CSMD2: variants seen among roughly 807,000 people sequenced by gnomAD.
CSMD2 encodes the protein CUB and sushi domain-containing protein 2.
In CSMD2, 130 loss-of-function variants were observed where a neutral mutation model predicts 398.5. The observed-to-expected ratio is 0.33, with a 90% confidence interval of 0.28 to 0.38. CSMD2 has a LOEUF of 0.38. Ranked by LOEUF, CSMD2 falls within the 10% of genes least tolerant of loss-of-function variation. The pLI is 1.00. For missense variants in CSMD2, 3,829 were observed against 4,764.9 expected (o/e 0.80, Z 5.78); for synonymous variants, 1,828 against 1,908.5 (o/e 0.96, Z 1.10).
At chr1:33,685,065 T>C (rs1645023288) in intron 25 of CSMD2, among the ~76,000 whole-genome samples, 1 of 152,236 alleles carries the variant, frequency 6.6e-6, no homozygotes, top group South Asian at 2.1e-4. Flanking sequence ...CTAAGGATAG[T>C]GGTTCTTCCC....
intron 4 of CSMD2, among the ~76,000 whole-genome samples, chr1:33,922,294 G>A (rs912637771): frequency 2.0e-5 from 3 of 152,142 alleles, no homozygotes; most frequent in African/African-American, 7.2e-5. Context: ...AAAGATACCT[G>A]AAAGAAGAGA....
In CSMD2 at chr1:33,546,096, G is replaced by A. The variant is rs868166338; in HGVS notation, c.9041C>T (p.Ser3014Leu). Reference sequence around the variant, plus strand: ...ATTGGCTTGACAGGTGCGCTCTGACGATCCCCGGAGCACGTGGCCAGCTTC... The same window carrying A: ...ATTGGCTTGACAGGTGCGCTCTGACAATCCCCGGAGCACGTGGCCAGCTTC... ...SCEAGHVLRG[S>L]SERTCQANGS... The change falls in exon 57 of 71, where the codon TCG (serine) becomes TTG (leucine). Residue 3014 changes from serine to leucine, a missense_variant. Physicochemically the swap from Ser to Leu is moderately radical, Grantham distance 145 (BLOSUM62 -2). Coordinates refer to ENST00000373381, the MANE Select transcript of CSMD2 (RefSeq NM_001281956.2). 2.0e-5 allele frequency: 33 copies of A among 1,613,988 alleles called. No individual in the cohort carries two copies. Among genetic ancestry groups the A allele is most frequent in the Admixed American group, 1.3e-4 (8 of 60,000 alleles).
rs1191240075 is a variant in CSMD2, at chr1:33,636,857, C to A, written c.4775-303G>T. Among the ~76,000 whole-genome samples, 2 of 152,184 alleles carry A rather than the reference C, an allele frequency of 1.3e-5. No individual in the cohort carries two copies. Among genetic ancestry groups the A allele is most frequent in the African/African-American group, 2.4e-5 (1 of 41,444 alleles). ...GCCCTCTCTCATCCCCTGCTTGCTC[C>A]TCCCCAAGGGAAACATGTGTTTCTC... is the stretch of plus-strand genomic sequence containing the variant. On this transcript the variant is annotated intron_variant, in intron 29 of 70. Transcript: ENST00000373381. The surrounding 1 kb of genome is among the most constrained non-coding windows in gnomAD (Gnocchi z 4.8).
intron 13 of CSMD2, among the ~76,000 whole-genome samples, chr1:33,748,662 A>G (rs1232845436): frequency 6.6e-6 from 1 of 152,348 alleles, no homozygotes; most frequent in African/African-American, 2.4e-5. Flanking sequence ...TATCATATTT[A>G]AAACATGGAT....
rs536993218 is a variant in CSMD2 at position 33,804,040 on chromosome 1, C to T, written c.1446+6703G>A. Among the ~76,000 whole-genome samples the T allele has an allele frequency of 2.6e-5, 4 of 152,338 alleles. No homozygotes were observed. The East Asian group carries it at 7.7e-4, about 29-fold the overall frequency. ...ACTGGCTCTGTGCTTCAGCTGTTTCCTAACCTTTAACCTTTCCATGATTCA... is the reference window on the plus strand; with the variant it reads ...ACTGGCTCTGTGCTTCAGCTGTTTCTTAACCTTTAACCTTTCCATGATTCA... On this transcript the variant is annotated intron_variant, in intron 10 of 70. Transcript: ENST00000373381.
intron 1 of CSMD2, among the ~76,000 whole-genome samples, chr1:34,119,080 C>T (rs1024252584): frequency 1.2e-4 from 18 of 152,104 alleles, no homozygotes; most frequent in African/African-American, 3.9e-4. Context: ...TAAAGAAAGA[C>T]AAATAGACCA....
chr1:33,627,062 C>A (rs1642172098), intron 32 of CSMD2, among the ~76,000 whole-genome samples: 1 of 152,112 alleles, frequency 6.6e-6, no homozygotes, highest in African/African-American at 2.4e-5. Context: ...ACTGGTCTTT[C>A]CCAGACACTC....
At chr1:34,014,769 G>A (rs558822369) in intron 3 of CSMD2, among the ~76,000 whole-genome samples, 62 of 152,342 alleles carry the variant, frequency 4.1e-4, no homozygotes, top group African/African-American at 1.5e-3. Flanking sequence ...TGGATGGATG[G>A]GTAGATGAAC....
chr1:33,756,295 T>G (rs1479810094), intron 13 of CSMD2, among the ~76,000 whole-genome samples: 1 of 152,194 alleles, frequency 6.6e-6, no homozygotes, highest in African/African-American at 2.4e-5. Flanking sequence ...TGTCTCCACC[T>G]AGCTCAAGTA....
At chr1:34,140,239 G>A (rs1639142392) in intron 1 of CSMD2, among the ~76,000 whole-genome samples, 1 of 149,118 alleles carries the variant, frequency 6.7e-6, no homozygotes, top group Non-Finnish European at 1.5e-5. Flanking sequence ...CTTGAGCCAT[G>A]GTTAATGCAG....
chr1:33,869,032 A>C (rs988880429), intron 5 of CSMD2: 1 of 152,184 alleles, frequency 6.6e-6, no homozygotes, highest in East Asian at 1.9e-4. Context: ...GGACAGAGGG[A>C]GGCCGGAGCA....
At chr1:33,723,221 T>C (rs773126916) in intron 19 of CSMD2, among the ~76,000 whole-genome samples, 100 of 152,276 alleles carry the variant, frequency 6.6e-4, no homozygotes, top group Admixed American at 2.7e-3. Flanking sequence ...TTGGCTCTTC[T>C]GCATGTTAAT....
intron 12 of CSMD2, among the ~76,000 whole-genome samples, chr1:33,784,597 G>A (rs1653283577): frequency 6.6e-6 from 1 of 152,172 alleles, no homozygotes; most frequent in African/African-American, 2.4e-5. Flanking sequence ...AGGCCTTACA[G>A]AGCCACCTCA....
rs1340086059 is a variant in CSMD2 at position 33,617,535 on chromosome 1, C to A, written c.5910G>T (p.Val1970=). 3 of 1,613,992 alleles carry A rather than the reference C, an allele frequency of 1.9e-6. No homozygotes were observed. The South Asian group carries it at 3.3e-5, about 18-fold the overall frequency. ...KTGERYLVND[V]VSFQCEPGYA... is the part of the protein sequence containing the mutation. Reference sequence around the variant, plus strand: ...ATCCCGGCTCACACTGGAAAGACACCACATCATTCACCAAGTAGCGCTCGC... The same window carrying A: ...ATCCCGGCTCACACTGGAAAGACACAACATCATTCACCAAGTAGCGCTCGC... Residue 1970 remains valine (V), a synonymous_variant, in exon 38 of 71, where the codon GTG becomes GTT. Coordinates refer to ENST00000373381, the MANE Select transcript of CSMD2 (RefSeq NM_001281956.2).
At chr1:33,703,333 T>C (rs75492641) in intron 22 of CSMD2, among the ~76,000 whole-genome samples, 360 of 152,342 alleles carry the variant, frequency 2.4e-3, no homozygotes, top group Non-Finnish European at 4.1e-3. Context: ...ATACATGGTG[T>C]CTAGCTCCAT....
At chr1:34,070,251 G>A (rs981744512) in intron 2 of CSMD2, among the ~76,000 whole-genome samples, 1 of 152,218 alleles carries the variant, frequency 6.6e-6, no homozygotes, top group South Asian at 2.1e-4. Flanking sequence ...CCTAAGTGCA[G>A]GCAAATTCCA....
chr1:34,115,831 G>C (rs1661548126), intron 1 of CSMD2, among the ~76,000 whole-genome samples: 2 of 151,876 alleles, frequency 1.3e-5, no homozygotes, highest in African/African-American at 4.8e-5. Flanking sequence ...GAGAAAGAAG[G>C]TGTAATAGCG....
intron 46 of CSMD2, 37 bp from the exon 47 acceptor site, chr1:33,583,867 G>T: frequency 1.3e-6 from 2 of 1,581,172 alleles, no homozygotes; most frequent in Non-Finnish European, 1.7e-6. Flanking sequence ...GTACGTGGGG[G>T]TGGAGATGGA....
chr1:33,665,460 CTTTTTTTTTTT>C (rs745495781), intron 25 of CSMD2, among the ~76,000 whole-genome samples: 26 of 73,930 alleles, frequency 3.5e-4, no homozygotes, highest in Admixed American at 3.0e-3. Flanking sequence ...TTTCTTCTCT[CTTTTTTTTTTT>C]TTTTTTTTTT....
Sources: gnomAD v4.1 joint callset for allele counts (sites outside exome capture counted in the v4.1 genomes callset) on GRCh38, gnomAD v4.1.1 for gene constraint, Gnocchi (gnomAD v3.1) non-coding constraint, MANE v1.5 for transcripts, NCBI Gene and HGNC (gene_info 2026-07-23, HGNC 2026-07-21) for gene names.